The following SHROOM4 variants were observed in gnomAD, a reference collection of about 807,000 sequenced individuals.
The protein encoded by SHROOM4 is shroom family member 4.
In SHROOM4, 17 loss-of-function variants were observed where a neutral mutation model predicts 80.3. The observed-to-expected ratio is 0.21, with a 90% CI of 0.14 to 0.32. SHROOM4 has a LOEUF of 0.32. Among genes scored for constraint, SHROOM4 ranks in the 10% least tolerant of loss-of-function variants. The probability of loss-of-function intolerance (pLI) is 1.00; values close to 1 mark genes in which losing one functional copy is unlikely to be tolerated. For missense variants in SHROOM4, 993 were observed against 1,140.3 expected (o/e 0.87, Z 1.86); for synonymous variants, 400 against 437.5 (o/e 0.91, Z 1.07).
At chrX:50,667,031 G>A (rs1451731439) in intron 2 of SHROOM4, among the ~76,000 whole-genome samples, 1 of 111,946 alleles carries the variant, frequency 8.9e-6, no homozygotes, top group African/African-American at 3.2e-5. Context: ...TGCCAGAACA[G>A]CCAACCCATG....
chrX:50,763,914 C>A (rs925745701), intron 1 of SHROOM4, among the ~76,000 whole-genome samples: 3 of 111,638 alleles, frequency 2.7e-5, no homozygotes, highest in Non-Finnish European at 5.6e-5. Flanking sequence ...TTTTAGCTGT[C>A]TCTCCCCTTG....
intron 1 of SHROOM4, among the ~76,000 whole-genome samples, chrX:50,776,376 G>C (rs1459802302): frequency 9.0e-6 from 1 of 111,397 alleles, no homozygotes; most frequent in African/African-American, 3.3e-5. Context: ...GTAGTATTGA[G>C]CATTACTGTG....
chrX:50,785,026 A>C (rs2147685119), intron 1 of SHROOM4, among the ~76,000 whole-genome samples: 1 of 112,387 alleles, frequency 8.9e-6, no homozygotes, highest in African/African-American at 3.2e-5. Context: ...CAACATCATT[A>C]GCCATTAGAA....
chrX:50,626,425 C>T (rs1930805135), intron 5 of SHROOM4, among the ~76,000 whole-genome samples: 1 of 112,053 alleles, frequency 8.9e-6, no homozygotes, highest in Non-Finnish European at 1.9e-5. Context: ...TAATTCCTAG[C>T]TTATCCCTTT....
chrX:50,814,179 G>C lies in SHROOM4; in HGVS notation c.-161C>G. The C allele has an allele frequency of 2.2e-6, 1 of 461,090 alleles. No homozygotes were observed. The highest frequency in any genetic ancestry group is 3.7e-5 in the East Asian group (1 of 26,794). The allele number at this position is 461,090 out of a possible 1,213,427, so 38.0% of individuals were successfully genotyped here. A position where few individuals can be genotyped will look rare whatever the true frequency, so the allele number is the denominator to read the frequency against. On this transcript the variant is annotated 5_prime_UTR_variant, in exon 1 of 9. Coordinates refer to ENST00000376020, the MANE Select transcript of SHROOM4 (RefSeq NM_020717.5). ...GGAGACGCTCAGGCAGCGAGCGAGC[G>C]CAAGGAGGAAATGACACGGAGCTGG...
chrX:50,790,267 C>A (rs149938364), intron 1 of SHROOM4, among the ~76,000 whole-genome samples: 3,281 of 111,021 alleles, frequency 0.03, 119 homozygotes, highest in African/African-American at 0.1. Flanking sequence ...AGAAAAAAAT[C>A]TGAACAGACC....
rs1455982644 is a variant in SHROOM4, at chrX:50,594,923, C to T, written c.*1772G>A. On this transcript the variant is annotated 3_prime_UTR_variant, in exon 9 of 9. Transcript: ENST00000376020. ...ACCCCACCCCCTACCCCAGGACACC[C>T]TGCTGGCCAAGATTCTCCCATTGTT... The T allele has an allele frequency of 2.7e-5, 3 of 112,481 alleles. No homozygotes were observed. Among genetic ancestry groups the T allele is most frequent in the East Asian group, 2.8e-4 (1 of 3,574 alleles). 9.3% of individuals were successfully genotyped at this position (112,481 alleles called of 1,213,427 possible).
chrX:50,637,119 G>A (rs1931392820), intron 3 of SHROOM4, among the ~76,000 whole-genome samples: 1 of 111,813 alleles, frequency 8.9e-6, no homozygotes, highest in African/African-American at 3.3e-5. Context: ...GCTAGGATCA[G>A]ATGCAATCTT....
chrX:50,586,254 G>A (rs1557244823), downstream of SHROOM4, among the ~76,000 whole-genome samples: 1 of 111,693 alleles, frequency 9.0e-6, no homozygotes, highest in Non-Finnish European at 1.9e-5. Context: ...GGAACAAGTT[G>A]TTATTTTTTC....
chrX:50,781,636 T>C (rs781938121), intron 1 of SHROOM4, among the ~76,000 whole-genome samples: 3 of 110,648 alleles, frequency 2.7e-5, no homozygotes, highest in Admixed American at 1.9e-4. Context: ...GAAAGAGATA[T>C]GAAAGTCACT....
chrX:50,615,348 C>T (rs1297301639), intron 5 of SHROOM4, among the ~76,000 whole-genome samples: 2 of 111,128 alleles, frequency 1.8e-5, no homozygotes, highest in African/African-American at 6.5e-5. Context: ...TTTATCTTCT[C>T]TTTCCGCCTC....
chrX:50,653,501 T>C (rs1211676971), intron 2 of SHROOM4, among the ~76,000 whole-genome samples: 1 of 112,029 alleles, frequency 8.9e-6, no homozygotes, highest in African/African-American at 3.2e-5. Flanking sequence ...TACAATCATG[T>C]CATCAGCAAA....
At chrX:50,620,576 T>G (rs1930530842) in intron 5 of SHROOM4, among the ~76,000 whole-genome samples, 1 of 112,223 alleles carries the variant, frequency 8.9e-6, no homozygotes, top group South Asian at 3.7e-4. Context: ...TCTTGTCACA[T>G]TTTTCTAGAT....
chrX:50,741,891 A>G (rs1557267235), intron 1 of SHROOM4, among the ~76,000 whole-genome samples: 5 of 111,233 alleles, frequency 4.5e-5, no homozygotes, highest in African/African-American at 1.6e-4. Context: ...TACATTTATT[A>G]ATTTTTAAGT....
At chrX:50,586,729 T>C (rs782523195), downstream of SHROOM4, among the ~76,000 whole-genome samples, 2 of 112,238 alleles carry the variant, frequency 1.8e-5, no homozygotes, top group South Asian at 3.7e-4. Flanking sequence ...TCTTCAGTGA[T>C]AGTTTGTCAT....
intron 5 of SHROOM4, among the ~76,000 whole-genome samples, chrX:50,624,668 G>A (rs1246706480): frequency 4.9e-5 from 5 of 102,953 alleles, no homozygotes; most frequent in African/African-American, 1.8e-4. Context: ...GATGGAATGC[G>A]GTCATGTGAT....
In SHROOM4 at chrX:50,634,834, A is replaced by G. The variant is rs1453863855; in HGVS notation, c.1239T>C (p.Pro413=). Residue 413 remains proline (P), a synonymous_variant, in exon 4 of 9, where the codon CCT becomes CCC. Coordinates refer to ENST00000376020, the MANE Select transcript of SHROOM4 (RefSeq NM_020717.5). ...GCAGGTGGGATGCCAGCAGCTGTTC[A>G]GGGGCACTATGGCGATGCCCTGTGG... The part of the protein sequence containing the change: ...IGPTGHRHSA[P]EQLLASHLQH... 1 of 1,208,264 alleles carries G rather than the reference A, an allele frequency of 8.3e-7. No individual in the cohort carries two copies. The highest frequency in any genetic ancestry group is 1.1e-6 in the Non-Finnish European group (1 of 894,191).
rs181219072 is a variant in SHROOM4, at chrX:50,792,760, T to G, written c.117+21142A>C. Among the ~76,000 whole-genome samples, 5 of 107,710 alleles carry G rather than the reference T, an allele frequency of 4.6e-5. No individual in the cohort carries two copies. In the East Asian group the frequency reaches 1.5e-3, roughly 31 times the overall value. 93.5% of individuals were successfully genotyped at this position (107,710 alleles called of 115,157 possible). On this transcript the variant is annotated intron_variant, in intron 1 of 8. Transcript: ENST00000376020. ...AAGGAAATGCAAGTCAAAACCACAATGAGATATCACCTGACACCTATTAGG... is the reference window on the plus strand; with the variant it reads ...AAGGAAATGCAAGTCAAAACCACAAGGAGATATCACCTGACACCTATTAGG...
rs188251575 is a variant in SHROOM4, at chrX:50,707,035, C to T, written c.118-11098G>A. ...GAATTCAAAGTAACATCGACTCCACCTTCGTGTGTACAGACATTACAACAG... is the reference window on the plus strand; with the variant it reads ...GAATTCAAAGTAACATCGACTCCACTTTCGTGTGTACAGACATTACAACAG... On this transcript the variant is annotated intron_variant, in intron 1 of 8. Coordinates refer to ENST00000376020, the MANE Select transcript of SHROOM4 (RefSeq NM_020717.5). Among the ~76,000 whole-genome samples the T allele has an allele frequency of 4.5e-5, 5 of 112,139 alleles. No individual in the cohort carries two copies. In the East Asian group the frequency reaches 1.4e-3, roughly 32 times the overall value.
Sources: gnomAD v4.1 joint callset for allele counts (sites outside exome capture counted in the v4.1 genomes callset) on GRCh38, gnomAD v4.1.1 for gene constraint, MANE v1.5 for transcripts, NCBI Gene and HGNC (gene_info 2026-07-23, HGNC 2026-07-21) for gene names.